USH2A: variants seen among roughly 807,000 people sequenced by gnomAD.
USH2A encodes Usher syndrome 2A (autosomal recessive, mild).
USH2A carries 443 observed loss-of-function variants against 538.9 expected under a neutral mutation model. The ratio of observed to expected loss-of-function variants is 0.82; its 90% CI spans 0.76 to 0.89. USH2A has a LOEUF of 0.89. USH2A is among the 40% of genes least tolerant of loss of function. The pLI, the probability that USH2A is intolerant of heterozygous loss-of-function variation, is 0.00. For missense variants in USH2A, 6,633 were observed against 6,324.8 expected (o/e 1.05, Z -1.65); for synonymous variants, 2,413 against 2,273.5 (o/e 1.06, Z -1.75).
intron 47 of USH2A, among the ~76,000 whole-genome samples, chr1:215,823,039 T>G (rs1663055493): frequency 6.6e-6 from 1 of 152,070 alleles, no homozygotes; most frequent in South Asian, 2.1e-4. Flanking sequence ...GATAAATTTG[T>G]CTTTTGGGCT....
intron 44 of USH2A, among the ~76,000 whole-genome samples, chr1:215,855,214 T>C (rs1401331415): frequency 6.6e-6 from 1 of 152,130 alleles, no homozygotes; most frequent in Non-Finnish European, 1.5e-5. Flanking sequence ...GACATGATTG[T>C]GTACCCAGAA....
At chr1:216,053,581 A>G (rs2030870697) in intron 30 of USH2A, among the ~76,000 whole-genome samples, 1 of 151,692 alleles carries the variant, frequency 6.6e-6, no homozygotes, top group Non-Finnish European at 1.5e-5. Context: ...GAAACCTGCT[A>G]GTCCCTCTAG....
chr1:216,404,362 A>T (rs2039356571), intron 3 of USH2A, among the ~76,000 whole-genome samples: 1 of 152,170 alleles, frequency 6.6e-6, no homozygotes, highest in African/African-American at 2.4e-5. Flanking sequence ...TTGAAATAGC[A>T]GGATAAAGTA....
At chr1:216,047,201 A>G (rs1426260996) in intron 31 of USH2A, among the ~76,000 whole-genome samples, 1 of 152,132 alleles carries the variant, frequency 6.6e-6, no homozygotes, top group Non-Finnish European at 1.5e-5. Flanking sequence ...GGATATTTAG[A>G]AGTTTGGGAA....
chr1:216,301,162 T>C (rs2037209791), intron 9 of USH2A, among the ~76,000 whole-genome samples: 2 of 152,264 alleles, frequency 1.3e-5, no homozygotes, highest in African/African-American at 2.4e-5. Context: ...ATTTATTCAG[T>C]CACTTATACA....
At chr1:216,136,141 T>G (rs1415820389) in intron 21 of USH2A, among the ~76,000 whole-genome samples, 1 of 152,124 alleles carries the variant, frequency 6.6e-6, no homozygotes, top group African/African-American at 2.4e-5. Context: ...TTACTGTAAA[T>G]GTACCCAAAC....
At chr1:216,197,265 AT>A (rs536239594) in intron 18 of USH2A, among the ~76,000 whole-genome samples, 280 of 152,252 alleles carry the variant, frequency 1.8e-3, no homozygotes, top group Non-Finnish European at 3.5e-3. Context: ...ATACACATGC[AT>A]TTCCCTTTCC....
At chr1:216,162,434 T>A (rs2034078020) in intron 21 of USH2A, among the ~76,000 whole-genome samples, 1 of 152,098 alleles carries the variant, frequency 6.6e-6, no homozygotes, top group Admixed American at 6.6e-5. Context: ...TAACATTAAC[T>A]GAAGTTATTT....
chr1:216,415,508 CTT>C (rs71161423), intron 3 of USH2A, among the ~76,000 whole-genome samples: 23 of 96,872 alleles, frequency 2.4e-4, no homozygotes, highest in East Asian at 3.6e-4. Context: ...CTTCCTGTCA[CTT>C]TTTTTTTTTT....
chr1:215,702,388 C>T (rs1015104836), intron 61 of USH2A, among the ~76,000 whole-genome samples: 2 of 152,126 alleles, frequency 1.3e-5, no homozygotes, highest in African/African-American at 4.8e-5. Flanking sequence ...TGGGGAAGTT[C>T]TCCTTGATAA....
At chr1:216,154,480 A>G (rs1045276316) in intron 21 of USH2A, among the ~76,000 whole-genome samples, 14 of 152,218 alleles carry the variant, frequency 9.2e-5, no homozygotes, top group African/African-American at 3.4e-4. Flanking sequence ...AATGGTTCCC[A>G]TACTTGAATG....
At chr1:215,981,242 C>T (rs972066270) in intron 35 of USH2A, among the ~76,000 whole-genome samples, 5 of 152,006 alleles carry the variant, frequency 3.3e-5, no homozygotes, top group Non-Finnish European at 7.4e-5. Flanking sequence ...TGTGAAATGA[C>T]TTTTCAGATG....
intron 21 of USH2A, among the ~76,000 whole-genome samples, chr1:216,134,551 T>C (rs2033442055): frequency 6.6e-6 from 1 of 152,106 alleles, no homozygotes. Flanking sequence ...GGGTTTGCAT[T>C]TGGGTTCATA....
chr1:216,338,417 A>G (rs1213536020), intron 4 of USH2A, among the ~76,000 whole-genome samples: 1 of 151,558 alleles, frequency 6.6e-6, no homozygotes, highest in East Asian at 1.9e-4. Flanking sequence ...AATAAAGATA[A>G]GTTAAAATTA....
Position 215,790,257 on chromosome 1 carries a change from A to G in USH2A, c.9984T>C (p.Tyr3328=), listed in dbSNP as rs2102770114. ...AGCATATGGTATCTGACATATTCACATAATCCTGCCCACAACAGAACATAC... is the reference window on the plus strand; with the variant it reads ...AGCATATGGTATCTGACATATTCACGTAATCCTGCCCACAACAGAACATAC... The part of the protein sequence containing the change: ...LPGMFCCGQD[Y]VNMSDTICCS... The change falls in exon 51 of 72, where the codon TAT becomes TAC. Residue 3328 remains tyrosine, a synonymous_variant. Coordinates refer to ENST00000307340, the MANE Select transcript of USH2A (RefSeq NM_206933.4). The G allele has an allele frequency of 6.2e-7, 1 of 1,614,050 alleles. No homozygotes were observed. Among genetic ancestry groups the G allele is most frequent in the Non-Finnish European group, 8.5e-7 (1 of 1,179,992 alleles).
chr1:216,191,840 A>G (rs2034722099), intron 19 of USH2A, among the ~76,000 whole-genome samples: 1 of 152,038 alleles, frequency 6.6e-6, no homozygotes, highest in South Asian at 2.1e-4. Flanking sequence ...TTTTTAAGCA[A>G]AATATTCTTT....
intron 44 of USH2A, among the ~76,000 whole-genome samples, chr1:215,853,220 A>T (rs1166868867): frequency 1.1e-4 from 17 of 152,132 alleles, no homozygotes; most frequent in African/African-American, 7.2e-5. Flanking sequence ...GCTCAACATC[A>T]TGTGGAAGCT....
chr1:216,024,933 T>C (rs1023164228), intron 32 of USH2A, among the ~76,000 whole-genome samples: 1 of 151,984 alleles, frequency 6.6e-6, no homozygotes, highest in African/African-American at 2.4e-5. Context: ...TTTAGAAGAA[T>C]ATTTATGCTA....
In USH2A at chr1:215,675,552, C is replaced by T. The variant is rs188008529; in HGVS notation, c.12359G>A (p.Arg4120His). 56 of 1,613,974 alleles carry T rather than the reference C, an allele frequency of 3.5e-5. 1 individual carries two copies. Among genetic ancestry groups the T allele is most frequent in the Admixed American group, 1.8e-4 (11 of 59,988 alleles). The change falls in exon 63 of 72, where the codon CGC (arginine) becomes CAC (histidine). Residue 4120 changes from arginine (R) to histidine (H), a missense_variant. By Grantham distance (29) the Arg-to-His change is conservative (BLOSUM62 0). Coordinates refer to ENST00000307340, the MANE Select transcript of USH2A (RefSeq NM_206933.4). ...YSGLNRQFLF[R>H]RLDPFTLYTL... ...GTAGAGAGTGAAAGGATCCAGGCGG[C>T]GGAAGAGAAACTGACGATTCAAACC...
Sources: gnomAD v4.1 joint callset for allele counts (sites outside exome capture counted in the v4.1 genomes callset) on GRCh38, gnomAD v4.1.1 for gene constraint, MANE v1.5 for transcripts, NCBI Gene and HGNC (gene_info 2026-07-23, HGNC 2026-07-21) for gene names.